KLHL12: variants seen among roughly 807,000 people sequenced by gnomAD.
The protein encoded by KLHL12 is kelch like family member 12, also known as kelch-like protein 12.
A neutral mutation model predicts 60.8 loss-of-function variants in KLHL12; 17 were observed. The observed-to-expected ratio is 0.28, with a 90% CI of 0.19 to 0.42. The LOEUF is 0.42. Among genes scored for constraint, KLHL12 ranks in the 10% least tolerant of loss-of-function variants. KLHL12 has a pLI of 1.00. For synonymous variants in KLHL12, 220 were observed against 250.9 expected (o/e 0.88, Z 1.16); for missense variants, 468 against 722.3 (o/e 0.65, Z 4.04).
chr1:202,906,325 C>T (rs1053114885), intron 6 of KLHL12, among the ~76,000 whole-genome samples: 1 of 149,314 alleles, frequency 6.7e-6, no homozygotes, highest in Non-Finnish European at 1.5e-5. Context: ...CGTGGTGGCA[C>T]ACACCTGTAA....
At position 202,912,048 on chromosome 1, in the gene KLHL12, G is replaced by A. The variant is rs532093823; in HGVS notation, c.568-845C>T. On this transcript the variant is annotated intron_variant, in intron 4 of 11. Coordinates refer to ENST00000367261, the MANE Select transcript of KLHL12 (RefSeq NM_021633.4). ...CAGCCATGAATGCAAGGCCACACAA[G>A]GTGGATGGAAGAGTTGGAGAACCAA... The A allele has an allele frequency of 2.9e-5, 23 of 786,956 alleles. No homozygotes were observed. In the Admixed American group the frequency reaches 3.4e-4, roughly 12 times the overall value. The allele number at this position is 786,956 out of a possible 1,614,324, so 48.7% of individuals were successfully genotyped here.
At position 202,918,408 on chromosome 1, in the gene KLHL12, C is replaced by G. The variant is rs754305311; in HGVS notation, c.350-20G>C. 1.8e-5 allele frequency: 29 copies of G among 1,586,144 alleles called. No homozygotes were observed. The Admixed American group carries it at 4.8e-4, about 26-fold the overall frequency. On this transcript the variant is annotated intron_variant, in intron 3 of 11. Transcript: ENST00000367261. ...TCACACCTAGGACAGACACAGGCAG[C>G]AAACACTTTAGAATAGTTGGACAGG... is the stretch of plus-strand genomic sequence containing the variant.
intron 4 of KLHL12, chr1:202,912,192 C>A (rs1408369883): frequency 5.3e-6 from 5 of 941,824 alleles, no homozygotes; most frequent in Non-Finnish European, 8.6e-6. Flanking sequence ...ATAATTTGAA[C>A]AGTTTGGAAA....
intron 6 of KLHL12, among the ~76,000 whole-genome samples, chr1:202,908,527 G>A (rs980341051): frequency 6.6e-6 from 1 of 152,124 alleles, no homozygotes; most frequent in Non-Finnish European, 1.5e-5. Context: ...TCTAGTACGA[G>A]GTAAACTGGT....
chr1:202,912,325 A>G (rs1264305875), intron 4 of KLHL12: 6 of 799,020 alleles, frequency 7.5e-6, no homozygotes, highest in Non-Finnish European at 1.1e-5. Flanking sequence ...CATCCTACGA[A>G]TGGCCATAAC....
intron 4 of KLHL12, among the ~76,000 whole-genome samples, chr1:202,913,103 C>T (rs1470258718): frequency 6.6e-6 from 1 of 151,268 alleles, no homozygotes; most frequent in Non-Finnish European, 1.5e-5. Context: ...AATTAGCCTT[C>T]AAGGAACTAC....
rs146750755 is a variant in KLHL12, at chr1:202,909,056, A to G, written c.786T>C (p.Pro262=). Residue 262 remains proline, a synonymous_variant, in exon 6 of 12, where the codon CCT becomes CCC. Transcript: ENST00000367261. This position sits in a 1 kb window ranked among gnomAD's most constrained non-coding sequence, Gnocchi z 4.1. The part of the protein sequence containing the change: ...VDEAKKFHLR[P]ELRSQMQGPR... Reference sequence around the variant, plus strand: ...GTCCCTGCATCTGACTCCGAAGTTCAGGCCTCAGATGAAACTTCTTTGCTT... The same window carrying G: ...GTCCCTGCATCTGACTCCGAAGTTCGGGCCTCAGATGAAACTTCTTTGCTT... 5.6e-6 allele frequency: 9 copies of G among 1,614,052 alleles called. No individual in the cohort carries two copies. Among genetic ancestry groups the G allele is most frequent in the Non-Finnish European group, 7.6e-6 (9 of 1,179,944 alleles).
At chr1:202,922,864 A>AG (rs1558001324) in intron 2 of KLHL12, among the ~76,000 whole-genome samples, 1 of 151,506 alleles carries the variant, frequency 6.6e-6, no homozygotes, top group Non-Finnish European at 1.5e-5. Flanking sequence ...GGAAAAAAAA[A>AG]AGAGAGAGAG....
At chr1:202,923,379 T>C (rs955573680) in intron 2 of KLHL12, among the ~76,000 whole-genome samples, 12 of 152,172 alleles carry the variant, frequency 7.9e-5, no homozygotes, top group South Asian at 2.1e-4. Context: ...TGGAGAACAG[T>C]ATAGGACAGG....
intron 3 of KLHL12, 115 bp from the exon 4 acceptor site, chr1:202,918,503 C>T: frequency 1.3e-6 from 1 of 778,234 alleles, no homozygotes; most frequent in East Asian, 2.6e-5. Context: ...CTTGTTTCAA[C>T]ACCTAAGAAA....
intron 6 of KLHL12, among the ~76,000 whole-genome samples, chr1:202,898,712 T>TA (rs1437245730): frequency 6.6e-6 from 1 of 151,956 alleles, no homozygotes; most frequent in Non-Finnish European, 1.5e-5. Flanking sequence ...CTTCAAGAAA[T>TA]AAACTGGCTG....
At chr1:202,917,983 T>C (rs1660573595) in intron 4 of KLHL12, among the ~76,000 whole-genome samples, 188 bp downstream of exon 4, 1 of 152,206 alleles carries the variant, frequency 6.6e-6, no homozygotes, top group South Asian at 2.1e-4. Flanking sequence ...ATATATCTAA[T>C]TGAAGAAAGT....
rs542827774 is a variant in KLHL12 at position 202,915,264 on chromosome 1, G to C, written c.567+2907C>G. On this transcript the variant is annotated intron_variant, in intron 4 of 11. Coordinates refer to ENST00000367261, the MANE Select transcript of KLHL12 (RefSeq NM_021633.4). ...GCCACCCAGCCAAGACTAAATCCCAGTTGGACTCTAAAACCCATGCTGTTT... is the reference window on the plus strand; with the variant it reads ...GCCACCCAGCCAAGACTAAATCCCACTTGGACTCTAAAACCCATGCTGTTT... 2.0e-5 allele frequency among the ~76,000 whole-genome samples: 3 copies of C among 152,250 alleles called. No homozygotes were observed. The South Asian group carries it at 6.2e-4, about 32-fold the overall frequency.
chr1:202,895,564 T>G lies in KLHL12; in HGVS notation c.1093A>C (p.Met365Leu). Residue 365 changes from methionine (M) to leucine (L), a missense_variant, in exon 8 of 12, where the codon ATG becomes CTG. Met to Leu is a conservative substitution (Grantham distance 15). This residue lies in a region of KLHL12 where 339 missense variants were observed against 525.0 expected (regional missense o/e 0.65). Transcript: ENST00000367261. The surrounding 1 kb of genome is among the most constrained non-coding windows in gnomAD (Gnocchi z 4.2). ...CCAGCAAGACCTCGTCGGACATTCA[T>G]AGGGGCCACAGAATACCAGACCCCA... is the stretch of plus-strand genomic sequence containing the variant. ...EDGVWYSVAP[M>L]NVRRGLAGAT... The G allele has an allele frequency of 6.2e-7, 1 of 1,614,078 alleles. No individual in the cohort carries two copies. The highest frequency in any genetic ancestry group is 8.5e-7 in the Non-Finnish European group (1 of 1,179,998).
At chr1:202,901,995 A>G (rs1420546958) in intron 6 of KLHL12, among the ~76,000 whole-genome samples, 3 of 152,242 alleles carry the variant, frequency 2.0e-5, no homozygotes, top group African/African-American at 7.2e-5. Context: ...ATTATAAAAC[A>G]TATAATATAC....
At chr1:202,904,017 T>TA (rs1660108687) in intron 6 of KLHL12, among the ~76,000 whole-genome samples, 1 of 150,254 alleles carries the variant, frequency 6.7e-6, no homozygotes, top group African/African-American at 2.4e-5. Flanking sequence ...TCTATCTATT[T>TA]ATCTATCTAT....
At position 202,893,190 on chromosome 1, in the gene KLHL12, C is replaced by T; in HGVS notation, c.1580+49G>A. 1 of 1,469,116 alleles carries T rather than the reference C, an allele frequency of 6.8e-7. No homozygotes were observed. Among genetic ancestry groups the T allele is most frequent in the Non-Finnish European group, 9.3e-7 (1 of 1,080,420 alleles). The allele number at this position is 1,469,116 out of a possible 1,614,324, so 91.0% of individuals were successfully genotyped here. A position where few individuals can be genotyped will look rare whatever the true frequency, so the allele number is the denominator to read the frequency against. On this transcript the variant is annotated intron_variant, in intron 11 of 11. Coordinates refer to ENST00000367261, the MANE Select transcript of KLHL12 (RefSeq NM_021633.4). This position sits in a 1 kb window ranked among gnomAD's most constrained non-coding sequence, Gnocchi z 4.1. ...AAAAATGAGGATCAGATCACATAGA[C>T]TCTTGCTCTGGCTACATATTGAGTC...
chr1:202,892,413 T>G lies in KLHL12; in HGVS notation c.*120A>C. 9.0e-7 allele frequency: 1 copy of G among 1,113,808 alleles called. No individual in the cohort carries two copies. The highest frequency in any genetic ancestry group is 2.0e-5 in the Admixed American group (1 of 50,194). The allele number at this position is 1,113,808 out of a possible 1,614,324, so 69.0% of individuals were successfully genotyped here. On this transcript the variant is annotated 3_prime_UTR_variant, in exon 12 of 12. Transcript: ENST00000367261. ...CAAATAAGTACAATCATCACTGCAC[T>G]GGTGCCTGTAATCACCCGGTGCACA... is the stretch of plus-strand genomic sequence containing the variant.
chr1:202,924,489 ACAC>A (rs1380306697), intron 2 of KLHL12, among the ~76,000 whole-genome samples: 1 of 152,220 alleles, frequency 6.6e-6, no homozygotes, highest in Non-Finnish European at 1.5e-5. Context: ...GCCGTGGCTC[ACAC>A]CTGTAATGCC....
Sources: gnomAD v4.1 joint callset for allele counts (sites outside exome capture counted in the v4.1 genomes callset) on GRCh38, gnomAD v4.1.1 for gene constraint, gnomAD v4.1.1 regional missense constraint, Gnocchi (gnomAD v3.1) non-coding constraint, MANE v1.5 for transcripts, NCBI Gene and HGNC (gene_info 2026-07-23, HGNC 2026-07-21) for gene names.